The following PXDNL variants were observed in gnomAD, a reference collection of about 807,000 sequenced individuals.
The protein encoded by PXDNL is probable oxidoreductase PXDNL.
In PXDNL, 145 loss-of-function variants were observed where a neutral mutation model predicts 150.8. The observed-to-expected ratio is 0.96, with a 90% CI of 0.84 to 1.10. PXDNL has a LOEUF of 1.10. Among genes scored for constraint, PXDNL ranks in the 50% least tolerant of loss-of-function variants. The pLI, the probability that PXDNL is intolerant of heterozygous loss-of-function variation, is 0.00. For missense variants in PXDNL, 2,087 were observed against 1,873.9 expected (o/e 1.11, Z -2.10); for synonymous variants, 757 against 725.7 (o/e 1.04, Z -0.69).
chr8:51,494,725 G>A (rs1195517325), intron 5 of PXDNL, among the ~76,000 whole-genome samples: 1 of 152,024 alleles, frequency 6.6e-6, no homozygotes, highest in Non-Finnish European at 1.5e-5. Flanking sequence ...AACAAGAAGA[G>A]CTAACTCTCC....
intron 5 of PXDNL, among the ~76,000 whole-genome samples, chr8:51,491,328 G>T (rs546265750): frequency 2.0e-5 from 3 of 151,936 alleles, no homozygotes; most frequent in Non-Finnish European, 4.4e-5. Context: ...AATTATGATG[G>T]CAACAACCAA....
chr8:51,644,561 G>T (rs1250957533), intron 2 of PXDNL, among the ~76,000 whole-genome samples: 1 of 150,480 alleles, frequency 6.6e-6, no homozygotes, highest in Admixed American at 6.6e-5. Context: ...CCAGGTTCAC[G>T]CCATTCTCCT....
intron 3 of PXDNL, among the ~76,000 whole-genome samples, chr8:51,576,214 A>C (rs76539251): frequency 1.7e-4 from 26 of 149,622 alleles, no homozygotes; most frequent in Non-Finnish European, 3.4e-4. Context: ...AAAAAAAAAA[A>C]CAAACAAAAA....
chr8:51,758,810 C>T (rs2037130667), intron 1 of PXDNL, among the ~76,000 whole-genome samples: 1 of 152,096 alleles, frequency 6.6e-6, no homozygotes, highest in Non-Finnish European at 1.5e-5. Context: ...TCAGGCAGGT[C>T]TCTACAGAAG....
rs117347379 is a variant in PXDNL at position 51,484,552 on chromosome 8, C to T, written c.453-838G>A. Among the ~76,000 whole-genome samples the T allele has an allele frequency of 3.1e-4, 47 of 152,224 alleles. No homozygotes were observed. The East Asian group carries it at 5.2e-3, about 17-fold the overall frequency. On this transcript the variant is annotated intron_variant, in intron 5 of 22. Transcript: ENST00000356297. ...ATGGAGATGTGCAAGCTCTGCCTGT[C>T]GCTTACTGGCCAGCACAGTTTTGCT...
chr8:51,748,814 C>T (rs1384272442), intron 1 of PXDNL, among the ~76,000 whole-genome samples: 1 of 152,314 alleles, frequency 6.6e-6, no homozygotes. Flanking sequence ...CCAAAACAAC[C>T]TGCCTTAAAA....
chr8:51,604,603 A>C (rs1213381336), intron 2 of PXDNL, among the ~76,000 whole-genome samples: 2 of 152,222 alleles, frequency 1.3e-5, no homozygotes, highest in Non-Finnish European at 2.9e-5. Context: ...TATATATGTA[A>C]CAAACCTGCA....
intron 3 of PXDNL, among the ~76,000 whole-genome samples, chr8:51,582,119 C>T (rs1813223738): frequency 6.6e-6 from 1 of 152,102 alleles, no homozygotes; most frequent in Non-Finnish European, 1.5e-5. Flanking sequence ...TGTTGAAGCT[C>T]TAACCTCAAA....
In PXDNL at chr8:51,448,983, C is replaced by T. The variant is rs1213887191; in HGVS notation, c.1366+19G>A. 2.3e-6 allele frequency: 3 copies of T among 1,296,678 alleles called. No individual in the cohort carries two copies. The highest frequency in any genetic ancestry group is 3.3e-6 in the Non-Finnish European group (3 of 914,672). The allele number at this position is 1,296,678 out of a possible 1,614,324, so 80.3% of individuals were successfully genotyped here. The stretch of plus-strand genomic sequence containing the variant: ...AGGCACTTATTTTTCCCCACAATTA[C>T]CTGCAGATGTTCTAATACCTGTTTT... On this transcript the variant is annotated intron_variant, in intron 11 of 22. Coordinates refer to ENST00000356297, the MANE Select transcript of PXDNL (RefSeq NM_144651.5).
chr8:51,449,173 G>A (rs1809749721), intron 10 of PXDNL, 55 bp from the exon 11 acceptor site: 1 of 963,018 alleles, frequency 1.0e-6, no homozygotes, highest in Non-Finnish European at 1.6e-6. Flanking sequence ...AATTTTCAGT[G>A]CCAATAGAAA....
chr8:51,404,028 A>G (rs902331856), intron 17 of PXDNL, among the ~76,000 whole-genome samples: 1 of 152,102 alleles, frequency 6.6e-6, no homozygotes, highest in African/African-American at 2.4e-5. Context: ...ACAGCTCTTA[A>G]GGCCACATGT....
chr8:51,391,208 G>C (rs1335809028), intron 17 of PXDNL, among the ~76,000 whole-genome samples: 2 of 152,170 alleles, frequency 1.3e-5, no homozygotes, highest in East Asian at 3.8e-4. Flanking sequence ...ACATATGTGT[G>C]CGTGTGTCTT....
intron 12 of PXDNL, among the ~76,000 whole-genome samples, chr8:51,434,831 T>C (rs561385070): frequency 1.3e-5 from 2 of 152,148 alleles, no homozygotes; most frequent in Non-Finnish European, 2.9e-5. Context: ...ACACAATATA[T>C]CTTGATTTTA....
intron 4 of PXDNL, among the ~76,000 whole-genome samples, chr8:51,509,958 TTG>T (rs914522358): frequency 2.0e-4 from 30 of 152,118 alleles, no homozygotes; most frequent in African/African-American, 6.7e-4. Context: ...ATTTTATGTT[TTG>T]TTTAGTGCCA....
At chr8:51,542,844 C>T (rs1036933157) in intron 4 of PXDNL, among the ~76,000 whole-genome samples, 5 of 151,658 alleles carry the variant, frequency 3.3e-5, no homozygotes, top group Non-Finnish European at 7.4e-5. Context: ...ATGAGACACT[C>T]TTTTACAATA....
chr8:51,435,194 G>C (rs974029239), intron 12 of PXDNL, among the ~76,000 whole-genome samples: 2 of 152,094 alleles, frequency 1.3e-5, no homozygotes, highest in Non-Finnish European at 2.9e-5. Context: ...GGTGGCACAT[G>C]CTTGTAATCC....
At chr8:51,363,558 A>G (rs1806820840) in intron 19 of PXDNL, among the ~76,000 whole-genome samples, 2 of 152,136 alleles carry the variant, frequency 1.3e-5, no homozygotes, top group African/African-American at 4.8e-5. Context: ...AGAACAGGAC[A>G]GGGATTTTCA....
intron 8 of PXDNL, among the ~76,000 whole-genome samples, chr8:51,462,518 A>G (rs1216450076): frequency 5.9e-5 from 9 of 152,230 alleles, no homozygotes; most frequent in Non-Finnish European, 1.3e-4. Context: ...AAGCATTAAC[A>G]ACAGAACAGA....
At chr8:51,399,462 A>G (rs1808180936) in intron 17 of PXDNL, among the ~76,000 whole-genome samples, 1 of 152,232 alleles carries the variant, frequency 6.6e-6, no homozygotes, top group African/African-American at 2.4e-5. Context: ...CATTCCAAGC[A>G]AAATAAGCTT....
Sources: gnomAD v4.1 joint callset for allele counts (sites outside exome capture counted in the v4.1 genomes callset) on GRCh38, gnomAD v4.1.1 for gene constraint, MANE v1.5 for transcripts, NCBI Gene and HGNC (gene_info 2026-07-23, HGNC 2026-07-21) for gene names.